Variants in SHISA6 observed in about 807,000 individuals in gnomAD.
The protein encoded by SHISA6 is shisa family member 6.
In SHISA6, 22 loss-of-function variants were observed where a neutral mutation model predicts 47.9. That is an observed-to-expected ratio of 0.46 (90% CI 0.33 to 0.66). The LOEUF (loss-of-function observed/expected upper bound fraction) is 0.66. SHISA6 is among the 30% of genes least tolerant of loss of function. The pLI, the probability that SHISA6 is intolerant of heterozygous loss-of-function variation, is 0.02. For missense variants in SHISA6, 680 were observed against 764.6 expected, an observed-to-expected ratio of 0.89 and a Z score of 1.30; for synonymous variants, 388 against 337.8, an observed-to-expected ratio of 1.15 and a Z score of -1.63.
chr17:11,345,921 C>T (rs58854824), intron 2 of SHISA6, among the ~76,000 whole-genome samples: 31,917 of 151,910 alleles, frequency 0.21, 3,709 homozygotes, highest in East Asian at 0.29. Flanking sequence ...GATAGTTTCT[C>T]TCTTTCTTTC....
chr17:11,273,470 T>C (rs1045634668), intron 2 of SHISA6, among the ~76,000 whole-genome samples: 23 of 152,228 alleles, frequency 1.5e-4, no homozygotes, highest in Admixed American at 1.4e-3. Flanking sequence ...CACCTTGCCA[T>C]GCAACGAGCT....
At chr17:11,244,112 TG>T (rs796795174) in intron 1 of SHISA6, among the ~76,000 whole-genome samples, 2 of 152,170 alleles carry the variant, frequency 1.3e-5, no homozygotes, top group African/African-American at 4.8e-5. Context: ...ATTACGGCAT[TG>T]GGGCAGCTTC....
chr17:11,300,242 G>A (rs1909879851), intron 2 of SHISA6, among the ~76,000 whole-genome samples: 1 of 152,108 alleles, frequency 6.6e-6, no homozygotes, highest in Non-Finnish European at 1.5e-5. Flanking sequence ...ATCTTTGGGA[G>A]GCATTTTTCT....
chr17:11,466,090 C>T (rs183078019), intron 3 of SHISA6, among the ~76,000 whole-genome samples: 20 of 152,306 alleles, frequency 1.3e-4, no homozygotes, highest in Non-Finnish European at 2.4e-4. Context: ...ACACAGTCTA[C>T]AGGCCTGAAC....
At chr17:11,533,587 ATT>A (rs3038696) in intron 3 of SHISA6, among the ~76,000 whole-genome samples, 1,158 of 94,938 alleles carry the variant, frequency 0.012, 13 homozygotes, top group East Asian at 0.082. Flanking sequence ...CCCTTTCATT[ATT>A]TTTTTTTTTT....
At chr17:11,307,158 TTTC>T (rs1910146775) in intron 2 of SHISA6, among the ~76,000 whole-genome samples, 2 of 151,276 alleles carry the variant, frequency 1.3e-5, no homozygotes, top group African/African-American at 4.9e-5. Context: ...TTTTTCTTTT[TTTC>T]TTTTTTTTTT....
Position 11,555,896 on chromosome 17 carries a change from A to G in SHISA6, c.1105+4A>G. 2 of 1,517,552 alleles carry G rather than the reference A, an allele frequency of 1.3e-6. No homozygotes were observed. The highest frequency in any genetic ancestry group is 1.4e-5 in the African/African-American group (1 of 71,738). The allele number at this position is 1,517,552 out of a possible 1,614,324, so 94.0% of individuals were successfully genotyped here. A position where few individuals can be genotyped will look rare whatever the true frequency, so the allele number is the denominator to read the frequency against. On this transcript the variant is annotated splice_donor_region_variant and intron_variant, in intron 5 of 5. Transcript: ENST00000441885. ...TATTCATCTCTGAAGAGGCTAAGTA[A>G]GTTGAATTTCCCCCAAGTTGGGGTC... is the stretch of plus-strand genomic sequence containing the variant.
intron 2 of SHISA6, among the ~76,000 whole-genome samples, chr17:11,281,938 T>G (rs1909133217): frequency 1.3e-5 from 2 of 152,372 alleles, no homozygotes; most frequent in African/African-American, 4.8e-5. Context: ...CTGGCTATCT[T>G]GCGTTGATGT....
In SHISA6 at chr17:11,557,766, C is replaced by T; in HGVS notation, c.1118C>T (p.Ala373Val). 1 of 1,544,144 alleles carries T rather than the reference C, an allele frequency of 6.5e-7. No homozygotes were observed. Among genetic ancestry groups the T allele is most frequent in the Non-Finnish European group, 8.8e-7 (1 of 1,142,444 alleles). The change falls in exon 6 of 6, where the codon GCT becomes GTT. Residue 373 changes from alanine (A) to valine (V), a missense_variant. Coordinates refer to ENST00000441885, the MANE Select transcript of SHISA6 (RefSeq NM_207386.4). ...CTCTCCCCTGCAGCCGACAAGGAGG[C>T]TGACGAGTATTACATGAGACGGCGG... ...SSLKRLTDKEADEYYMRRRHL... is the reference protein window; with the variant it reads ...SSLKRLTDKEVDEYYMRRRHL...
Position 11,558,112 on chromosome 17 carries a change from C to T in SHISA6, c.1464C>T (p.Asp488=). Residue 488 remains aspartate, a synonymous_variant, in exon 6 of 6, where the codon GAC becomes GAT. Coordinates refer to ENST00000441885, the MANE Select transcript of SHISA6 (RefSeq NM_207386.4). ...TDVFVSTPVL[D]RYRMSKMHSH... ...TCTTTGTGTCCACACCCGTGCTGGACCGCTACCGCATGAGCAAGATGCACT... is the reference window on the plus strand; with the variant it reads ...TCTTTGTGTCCACACCCGTGCTGGATCGCTACCGCATGAGCAAGATGCACT... 6.4e-7 allele frequency: 1 copy of T among 1,551,498 alleles called. No individual in the cohort carries two copies. Among genetic ancestry groups the T allele is most frequent in the Non-Finnish European group, 8.7e-7 (1 of 1,147,006 alleles).
intron 3 of SHISA6, among the ~76,000 whole-genome samples, chr17:11,496,645 A>G (rs1291404019): frequency 6.6e-6 from 1 of 151,994 alleles, no homozygotes; most frequent in Non-Finnish European, 1.5e-5. Context: ...AGGCTGAGGC[A>G]GGAGAATCAC....
chr17:11,343,985 G>T (rs1911617160), intron 2 of SHISA6, among the ~76,000 whole-genome samples: 1 of 152,072 alleles, frequency 6.6e-6, no homozygotes, highest in South Asian at 2.1e-4. Flanking sequence ...CACTGCACCT[G>T]GCCTATCATC....
At chr17:11,481,583 C>T (rs1193925359) in intron 3 of SHISA6, among the ~76,000 whole-genome samples, 1 of 150,734 alleles carries the variant, frequency 6.6e-6, no homozygotes, top group Non-Finnish European at 1.5e-5. Context: ...ACCTGTGCTT[C>T]CCAGGTTTAA....
At chr17:11,313,277 T>C (rs1476506343) in intron 2 of SHISA6, among the ~76,000 whole-genome samples, 5 of 152,150 alleles carry the variant, frequency 3.3e-5, no homozygotes, top group African/African-American at 1.2e-4. Context: ...TGTATTTCAC[T>C]GTTGTTTAGT....
rs62062110 is a variant in SHISA6, at chr17:11,454,985, G to T, written c.895+75476G>T. ...GAGATCAAGACCATTCTGGCTAACA[G>T]GGTGAAATCCTGTCTCTACTAAAAA... On this transcript the variant is annotated intron_variant, in intron 3 of 5. Transcript: ENST00000441885. 1.2e-3 allele frequency among the ~76,000 whole-genome samples: 186 copies of T among 151,788 alleles called. No individual in the cohort carries two copies. In the East Asian group the frequency reaches 0.033, roughly 27 times the overall value.
chr17:11,419,099 G>A (rs1418554346), intron 3 of SHISA6, among the ~76,000 whole-genome samples: 3 of 152,012 alleles, frequency 2.0e-5, no homozygotes, highest in Admixed American at 6.6e-5. Flanking sequence ...AGCATTAGGA[G>A]ATATACCTAA....
intron 3 of SHISA6, among the ~76,000 whole-genome samples, chr17:11,429,805 T>C (rs1214298083): frequency 7.3e-6 from 1 of 136,780 alleles, no homozygotes; most frequent in Non-Finnish European, 1.6e-5. Context: ...AATAAATAAA[T>C]AAATAAATCC....
intron 1 of SHISA6, among the ~76,000 whole-genome samples, chr17:11,249,553 A>G (rs6503364): frequency 0.026 from 4,011 of 152,182 alleles, 165 homozygotes; most frequent in African/African-American, 0.092. Flanking sequence ...AATGTGCTTG[A>G]TACTTCCTTT....
chr17:11,277,288 A>T (rs1036909738), intron 2 of SHISA6, among the ~76,000 whole-genome samples: 2,996 of 107,544 alleles, frequency 0.028, 74 homozygotes, highest in African/African-American at 0.08. Context: ...TCTCACACAC[A>T]CACACACACA....
Sources: allele counts gnomAD v4.1 joint callset (sites outside exome capture counted in the v4.1 genomes callset), GRCh38; gene constraint gnomAD v4.1.1; transcripts MANE v1.5; gene names NCBI Gene and HGNC (gene_info 2026-07-23, HGNC 2026-07-21).